Variants in BAMBI observed in about 807,000 individuals in gnomAD.
BAMBI encodes the protein BMP and activin membrane bound inhibitor.
BAMBI carries 21 observed loss-of-function variants against 24.1 expected under a neutral mutation model. The observed-to-expected ratio is 0.87, with a 90% CI of 0.62 to 1.26. The LOEUF (loss-of-function observed/expected upper bound fraction) is 1.26, where lower values mean the gene tolerates loss of function less well. Ranked by LOEUF, BAMBI falls within the 50% of genes most tolerant of loss-of-function variation. The pLI, the probability that BAMBI is intolerant of heterozygous loss-of-function variation, is 0.00. For missense variants in BAMBI, 388 were observed against 329.1 expected, an observed-to-expected ratio of 1.18 and a Z score of -1.38; for synonymous variants, 156 against 123.1, an observed-to-expected ratio of 1.27 and a Z score of -1.77.
At position 28,677,571 on chromosome 10, in the gene BAMBI, C is replaced by T. The variant is rs989819436; in HGVS notation, c.-327C>T. On this transcript the variant is annotated 5_prime_UTR_variant, in exon 1 of 3. Coordinates refer to ENST00000375533, the MANE Select transcript of BAMBI (RefSeq NM_012342.3). The stretch of plus-strand genomic sequence containing the variant: ...CGGATACCCTTGCGTGCTGTGGAGA[C>T]CCTACTCTCTTCGCTGAGAACGGCC... 2 of 181,240 alleles carry T rather than the reference C, an allele frequency of 1.1e-5. No homozygotes were observed. Among genetic ancestry groups the T allele is most frequent in the African/African-American group, 2.4e-5 (1 of 42,350 alleles). 11.2% of individuals were successfully genotyped at this position (181,240 alleles called of 1,614,324 possible). A position where few individuals can be genotyped will look rare whatever the true frequency, so the allele number is the denominator to read the frequency against.
chr10:28,679,306 GTC>G (rs1453545716), intron 1 of BAMBI, among the ~76,000 whole-genome samples: 1 of 152,194 alleles, frequency 6.6e-6, no homozygotes, highest in Non-Finnish European at 1.5e-5. Context: ...GAAGCCAGCA[GTC>G]TCTCCTGTAG....
At chr10:28,681,002 A>G (rs1834491302) in intron 1 of BAMBI, among the ~76,000 whole-genome samples, 1 of 152,214 alleles carries the variant, frequency 6.6e-6, no homozygotes, top group African/African-American at 2.4e-5. Context: ...TTCAAAAAGC[A>G]AAAGTTTTTT....
chr10:28,680,974 A>G (rs1169669018), intron 1 of BAMBI, among the ~76,000 whole-genome samples: 1 of 152,230 alleles, frequency 6.6e-6, no homozygotes, highest in Non-Finnish European at 1.5e-5. Context: ...AGGAGAAATT[A>G]TACTCATTAC....
Position 28,681,252 on chromosome 10 carries a change from T to C in BAMBI, c.77-6T>C. 1 of 1,607,870 alleles carries C rather than the reference T, an allele frequency of 6.2e-7. No homozygotes were observed. Among genetic ancestry groups the C allele is most frequent in the East Asian group, 2.2e-5 (1 of 44,844 alleles). On this transcript the variant is annotated splice_polypyrimidine_tract_variant and splice_region_variant and intron_variant, in intron 1 of 2. Coordinates refer to ENST00000375533, the MANE Select transcript of BAMBI (RefSeq NM_012342.3). ...AGAGTTTGAGGTGGTTTCTCATTGT[T>C]TTCAGGTGAAATTCGATGCTACTGT...
Position 28,681,422 on chromosome 10 carries a change from CA to C in BAMBI, c.243del (p.Ala82ProfsTer61). The part of the protein sequence containing the change: ...DSLASTTDIC[Q>X]AKQARNHSGT... ...TCTTGCAAGCACGACAGACATCTGCCAAGCCAAACAGGCCCGAAACCACTCT... is the reference window on the plus strand; with the variant it reads ...TCTTGCAAGCACGACAGACATCTGCCAGCCAAACAGGCCCGAAACCACTCT... On this transcript the variant is annotated frameshift_variant, in exon 2 of 3. Transcript: ENST00000375533. LOFTEE classifies it high-confidence loss of function. The C allele has an allele frequency of 6.2e-7, 1 of 1,614,208 alleles. No individual in the cohort carries two copies. The highest frequency in any genetic ancestry group is 8.5e-7 in the Non-Finnish European group (1 of 1,180,050).
At chr10:28,681,580 C>A (rs376662176) in intron 2 of BAMBI, 35 bp downstream of exon 2, 1 of 1,603,478 alleles carries the variant, frequency 6.2e-7, no homozygotes, top group African/African-American at 1.3e-5. Flanking sequence ...GAATGCCTGC[C>A]TGATCTATAG....
chr10:28,681,348 T>A lies in BAMBI; in HGVS notation c.167T>A (p.Leu56His). Residue 56 changes from leucine (L) to histidine (H), a missense_variant, in exon 2 of 3, where the codon CTT (leucine) becomes CAT (histidine). Transcript: ENST00000375533. ...CTCAGCGCCTGCTTCTCTAGACTTC[T>A]TGATCCTCAGAACTCAAATTCCCCA... ...SELSACFSRL[L>H]DPQNSNSPLT... 6.2e-7 allele frequency: 1 copy of A among 1,614,204 alleles called. No homozygotes were observed.
At position 28,682,379 on chromosome 10, in the gene BAMBI, A is replaced by ACGGGAAGCTGGAATT; in HGVS notation, c.764_778dup (p.Gly255_Phe259dup). The ACGGGAAGCTGGAATT allele has an allele frequency of 1.9e-6, 3 of 1,610,640 alleles. No individual in the cohort carries two copies. Among genetic ancestry groups the ACGGGAAGCTGGAATT allele is most frequent in the Non-Finnish European group, 2.5e-6 (3 of 1,176,974 alleles). Reference sequence around the variant, plus strand: ...GTTCACTGGGGCATGTACAGTGGGCACGGGAAGCTGGAATTCGTATGACGG... The same window carrying ACGGGAAGCTGGAATT: ...GTTCACTGGGGCATGTACAGTGGGCACGGGAAGCTGGAATTCGGGAAGCTGGAATTCGTATGACGG... On this transcript the variant is annotated inframe_insertion, in exon 3 of 3. Transcript: ENST00000375533.
chr10:28,680,629 C>T (rs1438053126), intron 1 of BAMBI, among the ~76,000 whole-genome samples: 1 of 152,140 alleles, frequency 6.6e-6, no homozygotes, highest in African/African-American at 2.4e-5. Context: ...CTGCCTAGTT[C>T]CTGTTTTACA....
At position 28,677,917 on chromosome 10, in the gene BAMBI, A is replaced by C; in HGVS notation, c.20A>C (p.Tyr7Ser). The C allele has an allele frequency of 6.5e-7, 1 of 1,527,912 alleles. No homozygotes were observed. Among genetic ancestry groups the C allele is most frequent in the Non-Finnish European group, 8.7e-7 (1 of 1,144,228 alleles). The allele number at this position is 1,527,912 out of a possible 1,614,324, so 94.6% of individuals were successfully genotyped here. A position where few individuals can be genotyped will look rare whatever the true frequency, so the allele number is the denominator to read the frequency against. The change falls in exon 1 of 3, where the codon TAC (tyrosine) becomes TCC (serine). Residue 7 changes from tyrosine (Y) to serine (S), a missense_variant. Tyr to Ser is a moderately radical substitution (Grantham distance 144, BLOSUM62 -2). Transcript: ENST00000375533. ...GCGTCAATGGATCGCCACTCCAGCT[A>C]CATCTTCATCTGGCTGCAGCTGGAG... is the stretch of plus-strand genomic sequence containing the variant. MDRHSS[Y>S]IFIWLQLELC...
chr10:28,682,576 A>G lies in BAMBI; in HGVS notation c.*175A>G. The G allele has an allele frequency of 1.7e-6, 1 of 591,258 alleles. No homozygotes were observed. Among genetic ancestry groups the G allele is most frequent in the Non-Finnish European group, 2.8e-6 (1 of 355,324 alleles). 36.6% of individuals were successfully genotyped at this position (591,258 alleles called of 1,614,324 possible). A position where few individuals can be genotyped will look rare whatever the true frequency, so the allele number is the denominator to read the frequency against. On this transcript the variant is annotated 3_prime_UTR_variant, in exon 3 of 3. Transcript: ENST00000375533. Reference sequence around the variant, plus strand: ...AAGGATTATTTGCACAGACTTAAATACAGTTAAATGTGTTATTTGCTTTTA... The same window carrying G: ...AAGGATTATTTGCACAGACTTAAATGCAGTTAAATGTGTTATTTGCTTTTA...
chr10:28,681,013 T>A (rs1206769368), intron 1 of BAMBI, among the ~76,000 whole-genome samples: 2 of 152,226 alleles, frequency 1.3e-5, no homozygotes, highest in Non-Finnish European at 2.9e-5. Context: ...AAAGTTTTTT[T>A]AAAATGACTC....
At position 28,682,302 on chromosome 10, in the gene BAMBI, C is replaced by T. The variant is rs540765877; in HGVS notation, c.684C>T (p.Thr228=). The change falls in exon 3 of 3, where the codon ACC becomes ACT. Residue 228 remains threonine, a synonymous_variant. Coordinates refer to ENST00000375533, the MANE Select transcript of BAMBI (RefSeq NM_012342.3). ...GTGGGCACGAGAACTGCTGTCTGAC[C>T]TGTGATAAAATGAGACAAGCAGACC... The part of the protein sequence containing the change: ...PVSGHENCCL[T]CDKMRQADLS... 2 of 1,614,092 alleles carry T rather than the reference C, an allele frequency of 1.2e-6. No individual in the cohort carries two copies. Among genetic ancestry groups the T allele is most frequent in the African/African-American group, 1.3e-5 (1 of 75,004 alleles).
intron 2 of BAMBI, 32 bp from the exon 3 acceptor site, chr10:28,681,951 G>A (rs1408689928): frequency 1.9e-6 from 3 of 1,570,282 alleles, no homozygotes; most frequent in African/African-American, 2.7e-5. Context: ...GAGTTAGCAT[G>A]GAGTTTGATC....
At position 28,682,157 on chromosome 10, in the gene BAMBI, A is replaced by ATAAGAGGCTGCAGGATCAGC; in HGVS notation, c.540_559dup (p.Arg187LeufsTer32). 6.2e-7 allele frequency: 1 copy of ATAAGAGGCTGCAGGATCAGC among 1,614,126 alleles called. No homozygotes were observed. The highest frequency in any genetic ancestry group is 8.5e-7 in the Non-Finnish European group (1 of 1,180,018). On this transcript the variant is annotated frameshift_variant, in exon 3 of 3. Transcript: ENST00000375533. LOFTEE classifies it high-confidence loss of function. ...GCCCTGAGGATGCTTCGAAGTGAAA[A>ATAAGAGGCTGCAGGATCAGC]TAAGAGGCTGCAGGATCAGCGGCAA...
intron 1 of BAMBI, 32 bp downstream of exon 1, chr10:28,678,005 C>T (rs537944984): frequency 2.9e-5 from 43 of 1,497,940 alleles, no homozygotes; most frequent in Middle Eastern, 2.3e-4. Context: ...GGCCCGGGGT[C>T]CCGTCCTCGC....
chr10:28,681,805 T>C, intron 2 of BAMBI, 178 bp from the exon 3 acceptor site: 1 of 774,602 alleles, frequency 1.3e-6, no homozygotes, highest in Non-Finnish European at 2.0e-6. Flanking sequence ...GTAATGACAG[T>C]CTGTAAACAA....
In BAMBI at chr10:28,682,630, G is replaced by C; in HGVS notation, c.*229G>C. 1 of 456,294 alleles carries C rather than the reference G, an allele frequency of 2.2e-6. No homozygotes were observed. The highest frequency in any genetic ancestry group is 3.8e-6 in the Non-Finnish European group (1 of 261,114). The allele number at this position is 456,294 out of a possible 1,614,324, so 28.3% of individuals were successfully genotyped here. The stretch of plus-strand genomic sequence containing the variant: ...TTATAAAAAGCAAAGAGAAGACTTT[G>C]TACACACTGTCACCAGGGTTATTTG... On this transcript the variant is annotated 3_prime_UTR_variant, in exon 3 of 3. Transcript: ENST00000375533.
rs1299401035 is a variant in BAMBI, at chr10:28,681,559, G to C, written c.364+14G>C. On this transcript the variant is annotated intron_variant, in intron 2 of 2. Transcript: ENST00000375533. ...GTGAGGCCTCAGGTAGGTGGAAGCC[G>C]TTTCTAACCAGAATGCCTGCCTGAT... 2.5e-6 allele frequency: 4 copies of C among 1,609,750 alleles called. No individual in the cohort carries two copies. The highest frequency in any genetic ancestry group is 1.3e-5 in the African/African-American group (1 of 74,888).
Sources: allele counts gnomAD v4.1 joint callset (sites outside exome capture counted in the v4.1 genomes callset), GRCh38; gene constraint gnomAD v4.1.1; transcripts MANE v1.5; gene names NCBI Gene and HGNC (gene_info 2026-07-23, HGNC 2026-07-21).